ZNF649: variants seen among roughly 807,000 people sequenced by gnomAD.
ZNF649 encodes zinc finger protein 649.
ZNF649 carries 7 observed loss-of-function variants against 14.1 expected under a neutral mutation model. The ratio of observed to expected loss-of-function variants is 0.49; its 90% CI spans 0.28 to 0.93. The LOEUF is 0.93. Ranked by LOEUF, ZNF649 falls within the 40% of genes least tolerant of loss-of-function variation. The pLI, the probability that ZNF649 is intolerant of heterozygous loss-of-function variation, is 0.10. For synonymous variants in ZNF649, 227 were observed against 212.3 expected, an observed-to-expected ratio of 1.07 and a Z score of -0.60; for missense variants, 544 against 608.1, an observed-to-expected ratio of 0.89 and a Z score of 1.11.
At chr19:51,897,023 A>G in intron 2 of ZNF649, 45 bp from the exon 3 acceptor site, 2 of 1,611,704 alleles carry the variant, frequency 1.2e-6, no homozygotes, top group Admixed American at 3.3e-5. Flanking sequence ...TTTTATTGAC[A>G]TGGAAGAAAT....
In ZNF649 at chr19:51,896,975, A is replaced by AT; in HGVS notation, c.18dup (p.Ser7IlefsTer49). On this transcript the variant is annotated frameshift_variant, in exon 3 of 5. Coordinates refer to ENST00000354957, the MANE Select transcript of ZNF649 (RefSeq NM_023074.4). LOFTEE classifies it high-confidence loss of function. Reference sequence around the variant, plus strand: ...ACAGCCACATCCTCCAGGGTCAGTGATTCCTGTAATAACACAGTCCTGCTT... The same window carrying AT: ...ACAGCCACATCCTCCAGGGTCAGTGATTTCCTGTAATAACACAGTCCTGCTT... 1 of 1,614,190 alleles carries AT rather than the reference A, an allele frequency of 6.2e-7. No homozygotes were observed. The highest frequency in any genetic ancestry group is 8.5e-7 in the Non-Finnish European group (1 of 1,180,012).
chr19:51,891,419 A>G lies in ZNF649; in HGVS notation c.717T>C (p.Cys239=), dbSNP rs748988119. 20 of 1,614,144 alleles carry G rather than the reference A, an allele frequency of 1.2e-5. No homozygotes were observed. Among genetic ancestry groups the G allele is most frequent in the Non-Finnish European group, 1.7e-5 (20 of 1,179,980 alleles). The change falls in exon 5 of 5, where the codon TGT becomes TGC. Residue 239 remains cysteine (C), a synonymous_variant. Coordinates refer to ENST00000354957, the MANE Select transcript of ZNF649 (RefSeq NM_023074.4). This position sits in a 1 kb window ranked among gnomAD's most constrained non-coding sequence, Gnocchi z 4.2. The part of the protein sequence containing the change: ...RGEKPHGCSL[C]GKAFYKRYRL... ...TGTACCTCTTGTAGAAGGCTTTCCC[A>G]CACAAGCTACACCCGTGGGGTTTCT...
At chr19:51,904,709 C>T (rs2085113508) in intron 1 of ZNF649, among the ~76,000 whole-genome samples, 1 of 152,118 alleles carries the variant, frequency 6.6e-6, no homozygotes. Context: ...CAGAGTGACC[C>T]TCAGAGACCC....
Position 51,891,562 on chromosome 19 carries a change from G to A in ZNF649, c.574C>T (p.Gln192Ter). 6.2e-7 allele frequency: 1 copy of A among 1,614,178 alleles called. No homozygotes were observed. The highest frequency in any genetic ancestry group is 2.2e-5 in the East Asian group (1 of 44,876). ...DCGKAFLKKS[Q>*]LTEHKRIHTG... ...TGAATTCTCTTATGCTCAGTGAGCT[G>A]AGACTTCTTGAGGAAAGCTTTCCCA... The change falls in exon 5 of 5, where the codon CAG (glutamine) becomes TAG (stop). Residue 192 changes from glutamine to a stop codon, truncating the protein, a stop_gained. Coordinates refer to ENST00000354957, the MANE Select transcript of ZNF649 (RefSeq NM_023074.4). LOFTEE classifies it low-confidence loss of function (END_TRUNC). This position sits in a 1 kb window ranked among gnomAD's most constrained non-coding sequence, Gnocchi z 4.2.
At chr19:51,904,308 G>A (rs910938068) in intron 1 of ZNF649, 2 of 151,992 alleles carry the variant, frequency 1.3e-5, no homozygotes, top group Admixed American at 1.3e-4. Context: ...ATAAAACTCC[G>A]GTCTCCCCGC....
chr19:51,900,121 A>G lies in ZNF649; in HGVS notation c.-14T>C, dbSNP rs2085086661. 2 of 1,502,664 alleles carry G rather than the reference A, an allele frequency of 1.3e-6. No individual in the cohort carries two copies. Among genetic ancestry groups the G allele is most frequent in the Non-Finnish European group, 1.8e-6 (2 of 1,123,106 alleles). 93.1% of individuals were successfully genotyped at this position (1,502,664 alleles called of 1,614,324 possible). ...GGCCTTTGTCATTTTCTTCTGTTTC[A>G]GGAAATACCCAAGAACTGGGATGCT... On this transcript the variant is annotated 5_prime_UTR_variant, in exon 2 of 5. Coordinates refer to ENST00000354957, the MANE Select transcript of ZNF649 (RefSeq NM_023074.4).
In ZNF649 at chr19:51,900,132, A is replaced by G. The variant is rs754109950; in HGVS notation, c.-25T>C. On this transcript the variant is annotated 5_prime_UTR_variant, in exon 2 of 5. Coordinates refer to ENST00000354957, the MANE Select transcript of ZNF649 (RefSeq NM_023074.4). Reference sequence around the variant, plus strand: ...TTTTCTTCTGTTTCAGGAAATACCCAAGAACTGGGATGCTTCGTCTTTGGT... The same window carrying G: ...TTTTCTTCTGTTTCAGGAAATACCCGAGAACTGGGATGCTTCGTCTTTGGT... The G allele has an allele frequency of 6.7e-7, 1 of 1,489,430 alleles. No individual in the cohort carries two copies. Among genetic ancestry groups the G allele is most frequent in the South Asian group, 1.5e-5 (1 of 66,770 alleles). The allele number at this position is 1,489,430 out of a possible 1,614,324, so 92.3% of individuals were successfully genotyped here.
intron 2 of ZNF649, among the ~76,000 whole-genome samples, chr19:51,899,454 A>AC (rs1193654213): frequency 2.0e-5 from 3 of 152,170 alleles, no homozygotes; most frequent in Non-Finnish European, 4.4e-5. Context: ...TTGAAAGCAA[A>AC]CCTTGCATTT....
intron 4 of ZNF649, 24 bp downstream of exon 4, chr19:51,896,448 T>C: frequency 1.2e-6 from 2 of 1,606,548 alleles, no homozygotes; most frequent in Non-Finnish European, 8.5e-7. Context: ...TGCCTTCCCC[T>C]CTTGCTGGTT....
chr19:51,896,085 A>G (rs2085060653), intron 4 of ZNF649: 1 of 198,402 alleles, frequency 5.0e-6, no homozygotes. Context: ...AACAACCCCT[A>G]TATATCCAGT....
chr19:51,890,730 G>C lies in ZNF649; in HGVS notation c.1406C>G (p.Ala469Gly). 1 of 1,614,202 alleles carries C rather than the reference G, an allele frequency of 6.2e-7. No individual in the cohort carries two copies. The highest frequency in any genetic ancestry group is 1.7e-5 in the Admixed American group (1 of 60,028). ...DSVKVENPSTASHSLSPSEHV... is the reference protein window; with the variant it reads ...DSVKVENPSTGSHSLSPSEHV... ...TTCACTAGGACTTAAGCTGTGACTT[G>C]CTGTGGAAGGATTTTCCACCTTCAC... is the stretch of plus-strand genomic sequence containing the variant. The change falls in exon 5 of 5, where the codon GCA becomes GGA. Residue 469 changes from alanine to glycine, a missense_variant. By Grantham distance (60) the Ala-to-Gly change is moderately conservative. Coordinates refer to ENST00000354957, the MANE Select transcript of ZNF649 (RefSeq NM_023074.4).
At chr19:51,901,403 T>C (rs1234209174) in intron 1 of ZNF649, among the ~76,000 whole-genome samples, 1 of 152,158 alleles carries the variant, frequency 6.6e-6, no homozygotes, top group Non-Finnish European at 1.5e-5. Context: ...TAATCTCCAA[T>C]GCAATGGTAT....
At position 51,891,517 on chromosome 19, in the gene ZNF649, C is replaced by T. The variant is rs755880182; in HGVS notation, c.619G>A (p.Val207Met). 80 of 1,614,102 alleles carry T rather than the reference C, an allele frequency of 5.0e-5. No homozygotes were observed. Among genetic ancestry groups the T allele is most frequent in the Admixed American group, 3.0e-4 (18 of 60,006 alleles). ...KRIHTGKKPH[V>M]CSLCGKAFYK... ...AAGGCTTTCCCACACAAGCTACACACGTGGGGTTTCTTTCCTGTATGAATT... is the reference window on the plus strand; with the variant it reads ...AAGGCTTTCCCACACAAGCTACACATGTGGGGTTTCTTTCCTGTATGAATT... The change falls in exon 5 of 5, where the codon GTG becomes ATG. Residue 207 changes from valine to methionine, a missense_variant. Coordinates refer to ENST00000354957, the MANE Select transcript of ZNF649 (RefSeq NM_023074.4). The surrounding 1 kb of genome is among the most constrained non-coding windows in gnomAD (Gnocchi z 4.2).
chr19:51,899,097 G>C (rs2085080927), intron 2 of ZNF649, among the ~76,000 whole-genome samples: 1 of 152,102 alleles, frequency 6.6e-6, no homozygotes, highest in Non-Finnish European at 1.5e-5. Flanking sequence ...AGGTGTGGTT[G>C]AAAGGCACTG....
In ZNF649 at chr19:51,891,728, T is replaced by C; in HGVS notation, c.408A>G (p.Gly136=). 6.2e-7 allele frequency: 1 copy of C among 1,613,554 alleles called. No homozygotes were observed. Among genetic ancestry groups the C allele is most frequent in the Non-Finnish European group, 8.5e-7 (1 of 1,179,906 alleles). Residue 136 remains glycine (G), a synonymous_variant, in exon 5 of 5, where the codon GGA becomes GGG. Coordinates refer to ENST00000354957, the MANE Select transcript of ZNF649 (RefSeq NM_023074.4). This position sits in a 1 kb window ranked among gnomAD's most constrained non-coding sequence, Gnocchi z 4.2. ...RKEPAEFNGD[G]AFLHDNHEQM... is the part of the protein sequence containing the mutation. ...GTTCATGATTATCATGGAGAAAAGC[T>C]CCATCTCCATTAAACTCAGCAGGCT... is the stretch of plus-strand genomic sequence containing the variant.
rs1220283870 is a variant in ZNF649 at position 51,890,913 on chromosome 19, CCA to C, written c.1221_1222del (p.Cys407TrpfsTer26). Reference sequence around the variant, plus strand: ...CATTGTCTTTGTAAGGAAGGCTTTCCCACAGTCACTGCATTTATAGGGTTTCT... The same window carrying C: ...CATTGTCTTTGTAAGGAAGGCTTTCCCAGTCACTGCATTTATAGGGTTTCT... On this transcript the variant is annotated frameshift_variant, in exon 5 of 5. Transcript: ENST00000354957. LOFTEE classifies it low-confidence loss of function (END_TRUNC). 1 of 1,614,132 alleles carries C rather than the reference CCA, an allele frequency of 6.2e-7. No homozygotes were observed. Among genetic ancestry groups the C allele is most frequent in the East Asian group, 2.2e-5 (1 of 44,886 alleles).
chr19:51,891,323 G>A lies in ZNF649; in HGVS notation c.813C>T (p.Phe271=), dbSNP rs144001139. ...GTTCAGTAAGCTCAGATTTCCTGGG[G>A]AAGGCTTTCCCACATTCACTGCACC... ...PYGCSECGKA[F]PRKSELTEHQ... is the part of the protein sequence containing the mutation. The change falls in exon 5 of 5, where the codon TTC becomes TTT. Residue 271 remains phenylalanine (F), a synonymous_variant. Transcript: ENST00000354957. This position sits in a 1 kb window ranked among gnomAD's most constrained non-coding sequence, Gnocchi z 4.2. 3.7e-6 allele frequency: 6 copies of A among 1,614,108 alleles called. No individual in the cohort carries two copies. The highest frequency in any genetic ancestry group is 5.1e-6 in the Non-Finnish European group (6 of 1,180,052).
At chr19:51,892,727 A>G (rs1253930291) in intron 4 of ZNF649, among the ~76,000 whole-genome samples, 1 of 152,116 alleles carries the variant, frequency 6.6e-6, no homozygotes, top group Non-Finnish European at 1.5e-5. Context: ...CACCAATCTC[A>G]TATTTCCAGG....
At chr19:51,899,403 G>A (rs2085082743) in intron 2 of ZNF649, among the ~76,000 whole-genome samples, 1 of 152,150 alleles carries the variant, frequency 6.6e-6, no homozygotes, top group African/African-American at 2.4e-5. Flanking sequence ...GGTCAAATCT[G>A]TACTTAAACA....
Sources: allele counts gnomAD v4.1 joint callset (sites outside exome capture counted in the v4.1 genomes callset), GRCh38; gene constraint gnomAD v4.1.1; non-coding constraint Gnocchi (gnomAD v3.1); transcripts MANE v1.5; gene names NCBI Gene and HGNC (gene_info 2026-07-23, HGNC 2026-07-21).